MYO15A: variants seen among roughly 807,000 people sequenced by gnomAD.
MYO15A encodes unconventional myosin-XV.
MYO15A carries 308 observed loss-of-function variants against 394.6 expected under a neutral mutation model. The ratio of observed to expected loss-of-function variants is 0.78; its 90% CI spans 0.71 to 0.86. The LOEUF (loss-of-function observed/expected upper bound fraction) is 0.86. Among genes scored for constraint, MYO15A ranks in the 40% least tolerant of loss-of-function variants. MYO15A has a pLI of 0.00. For synonymous variants in MYO15A, 1,957 were observed against 2,003.8 expected, an observed-to-expected ratio of 0.98 and a Z score of 0.62; for missense variants, 4,606 against 4,799.1, an observed-to-expected ratio of 0.96 and a Z score of 1.19.
chr17:18,171,907 G>A (rs1283834060), intron 63 of MYO15A, 136 bp downstream of exon 63: 4 of 1,411,200 alleles, frequency 2.8e-6, no homozygotes, highest in Non-Finnish European at 3.8e-6. Flanking sequence ...CACCTGCCTG[G>A]AGAAAACATG....
At chr17:18,161,502 G>T in intron 57 of MYO15A, 55 bp downstream of exon 57, 2 of 1,607,378 alleles carry the variant, frequency 1.2e-6, no homozygotes, top group Non-Finnish European at 1.7e-6. Context: ...TTGGGGACTG[G>T]GTGGACAGCT....
intron 11 of MYO15A, 150 bp from the exon 12 acceptor site, chr17:18,133,075 C>T (rs1048260700): frequency 1.9e-5 from 15 of 781,330 alleles, no homozygotes; most frequent in Non-Finnish European, 3.0e-5. Context: ...CGTCCTCAGC[C>T]GTGCTCAGAG....
At position 18,156,296 on chromosome 17, in the gene MYO15A, T is replaced by C. The variant is rs1567656867; in HGVS notation, c.8561T>C (p.Val2854Ala). 1.2e-6 allele frequency: 2 copies of C among 1,613,994 alleles called. No individual in the cohort carries two copies. Among genetic ancestry groups the C allele is most frequent in the Middle Eastern group, 1.6e-4 (1 of 6,084 alleles). The change falls in exon 48 of 66, where the codon GTC becomes GCC. Residue 2854 changes from valine (V) to alanine (A), a missense_variant. Physicochemically the swap from Val to Ala is moderately conservative, Grantham distance 64 (BLOSUM62 0). Around this residue, in one of 2 missense-constraint regions of MYO15A, gnomAD observed 2,776 missense variants for 3,109.3 expected, o/e 0.89. Coordinates refer to ENST00000647165, the MANE Select transcript of MYO15A (RefSeq NM_016239.4). ...CTCTTCTCAGCCCGAGCGCACCAGG[T>C]CAAGACCCTGGTAGATGACTTCATC... Reference protein sequence around the residue: ...VILFSARAHQVKTLVDDFILE... With the variant: ...VILFSARAHQAKTLVDDFILE...
chr17:18,144,009 T>A lies in MYO15A; in HGVS notation c.6177+9T>A. 1 of 1,613,418 alleles carries A rather than the reference T, an allele frequency of 6.2e-7. No individual in the cohort carries two copies. Among genetic ancestry groups the A allele is most frequent in the Non-Finnish European group, 8.5e-7 (1 of 1,179,994 alleles). On this transcript the variant is annotated intron_variant, in intron 28 of 65. Coordinates refer to ENST00000647165, the MANE Select transcript of MYO15A (RefSeq NM_016239.4). ...TCCAGTGCCACTTCAAGGTAAGGGC[T>A]AGCTGAAGTCCAAGGCTCCCTGGCT...
chr17:18,146,176 T>A, intron 30 of MYO15A, 69 bp downstream of exon 30: 1 of 1,498,490 alleles, frequency 6.7e-7, no homozygotes, highest in Non-Finnish European at 9.2e-7. Context: ...CAAGGCAGGG[T>A]CTTAAAGGTC....
intron 62 of MYO15A, chr17:18,169,458 T>G (rs77130845): frequency 1.0e-5 from 1 of 96,918 alleles, no homozygotes; most frequent in Non-Finnish European, 2.3e-5. Context: ...CTCAAAATAA[T>G]AATAATAATA....
rs2046315214 is a variant in MYO15A, at chr17:18,138,216, G to T, written c.4977G>T (p.Arg1659=). The T allele has an allele frequency of 1.9e-6, 3 of 1,613,366 alleles. No individual in the cohort carries two copies. The highest frequency in any genetic ancestry group is 1.7e-6 in the Non-Finnish European group (2 of 1,180,032). Residue 1659 remains arginine, a synonymous_variant, in exon 17 of 66, where the codon CGG becomes CGT. Coordinates refer to ENST00000647165, the MANE Select transcript of MYO15A (RefSeq NM_016239.4). ...LISLKPYGIL[R]ILDDQCCFPQ... ...CACTGAAGCCTTATGGCATCCTGCG[G>T]ATCCTTGACGACCAGTGTTGCTTTC... is the stretch of plus-strand genomic sequence containing the variant.
rs180672972 is a variant in MYO15A at position 18,173,192 on chromosome 17, C to T, written c.10351-589C>T. Among the ~76,000 whole-genome samples the T allele has an allele frequency of 2.3e-3, 357 of 152,312 alleles. 1 individual carries two copies. Among genetic ancestry groups the T allele is most frequent in the South Asian group, 8.1e-3 (39 of 4,830 alleles). ...TGAGGGAGCTGGGGTGTCCATTCAA[C>T]ACTTCCCATCTGTCATTAGCAAGAG... is the stretch of plus-strand genomic sequence containing the variant. On this transcript the variant is annotated intron_variant, in intron 64 of 65. Coordinates refer to ENST00000647165, the MANE Select transcript of MYO15A (RefSeq NM_016239.4).
At chr17:18,171,158 A>T (rs2046935423) in intron 62 of MYO15A, among the ~76,000 whole-genome samples, 1 of 152,200 alleles carries the variant, frequency 6.6e-6, no homozygotes, top group South Asian at 2.1e-4. Context: ...GGGCTGGGGC[A>T]AGCTGATGCC....
chr17:18,162,438 G>GT, intron 57 of MYO15A, 147 bp from the exon 58 acceptor site: 1 of 738,496 alleles, frequency 1.4e-6, no homozygotes, highest in Admixed American at 2.0e-5. Context: ...TGTCTGAACT[G>GT]TTTCCTCAAC....
intron 17 of MYO15A, 120 bp from the exon 18 acceptor site, chr17:18,138,691 T>C: frequency 2.9e-6 from 4 of 1,374,902 alleles, no homozygotes; most frequent in Non-Finnish European, 4.0e-6. Flanking sequence ...CATGGGAAGC[T>C]GTGAGTTGTT....
In MYO15A at chr17:18,148,585, C is replaced by T; in HGVS notation, c.6764+17C>T. On this transcript the variant is annotated intron_variant, in intron 32 of 65. Transcript: ENST00000647165. The surrounding 1 kb of genome is among the most constrained non-coding windows in gnomAD (Gnocchi z 4.8). ...GAGGCACAGGTTGGCTCCTAGGATG[C>T]CCTCCCAGCACACTCTTATGTACCT... is the stretch of plus-strand genomic sequence containing the variant. 1 of 1,551,176 alleles carries T rather than the reference C, an allele frequency of 6.4e-7. No homozygotes were observed. Among genetic ancestry groups the T allele is most frequent in the Non-Finnish European group, 8.7e-7 (1 of 1,146,852 alleles).
Position 18,179,212 on chromosome 17 carries a change from C to T in MYO15A, c.*342C>T, listed in dbSNP as rs2047056576. 1 of 417,286 alleles carries T rather than the reference C, an allele frequency of 2.4e-6. No individual in the cohort carries two copies. The highest frequency in any genetic ancestry group is 4.5e-6 in the Non-Finnish European group (1 of 221,656). 25.8% of individuals were successfully genotyped at this position (417,286 alleles called of 1,614,324 possible). A position where few individuals can be genotyped will look rare whatever the true frequency, so the allele number is the denominator to read the frequency against. On this transcript the variant is annotated 3_prime_UTR_variant, in exon 66 of 66. Transcript: ENST00000647165. ...CTGCCTATGACACAGAAGCCCCACA[C>T]CAGTTGCCCAGATGAACTGGCCTCT... is the stretch of plus-strand genomic sequence containing the variant.
intron 1 of MYO15A, among the ~76,000 whole-genome samples, chr17:18,113,691 G>A (rs1196600197): frequency 6.6e-6 from 1 of 151,296 alleles, no homozygotes; most frequent in East Asian, 1.9e-4. Context: ...GCAGTGAGCT[G>A]AGATCGCATC....
chr17:18,167,825 C>G, intron 62 of MYO15A, 102 bp downstream of exon 62: 1 of 1,534,728 alleles, frequency 6.5e-7, no homozygotes, highest in Non-Finnish European at 8.8e-7. Context: ...GGCCCTCAGG[C>G]TCCCCTCTTA....
At chr17:18,154,823 AG>A in intron 45 of MYO15A, 68 bp downstream of exon 45, 1 of 1,529,740 alleles carries the variant, frequency 6.5e-7, no homozygotes. Context: ...CCTGTCCCAG[AG>A]GGAGACTGAG....
intron 42 of MYO15A, 29 bp downstream of exon 42, chr17:18,152,213 G>A: frequency 6.5e-7 from 1 of 1,541,000 alleles, no homozygotes; most frequent in Non-Finnish European, 8.7e-7. Flanking sequence ...AGGGAGGGGA[G>A]GGTGTCCAAG....
At chr17:18,177,249 C>T (rs2047026997) in intron 65 of MYO15A, 1 of 152,184 alleles carries the variant, frequency 6.6e-6, no homozygotes, top group South Asian at 2.1e-4. Context: ...ATAAAATATA[C>T]CTTGATCAGT....
intron 7 of MYO15A, 93 bp downstream of exon 7, chr17:18,127,258 C>T: frequency 6.9e-7 from 1 of 1,447,512 alleles, no homozygotes; most frequent in Non-Finnish European, 9.5e-7. Flanking sequence ...CCTTGGCCCA[C>T]CAGGAAGATG....
Sources: allele counts gnomAD v4.1 joint callset (sites outside exome capture counted in the v4.1 genomes callset), GRCh38; gene constraint gnomAD v4.1.1; regional missense constraint gnomAD v4.1.1; non-coding constraint Gnocchi (gnomAD v3.1); transcripts MANE v1.5; gene names NCBI Gene and HGNC (gene_info 2026-07-23, HGNC 2026-07-21).